Variants in CPXM2 observed in about 807,000 individuals in gnomAD.
CPXM2 encodes the protein inactive carboxypeptidase-like protein X2.
A neutral mutation model predicts 86.1 loss-of-function variants in CPXM2; 66 were observed. That is an observed-to-expected ratio of 0.77 (90% CI 0.63 to 0.94). The LOEUF (loss-of-function observed/expected upper bound fraction) is 0.94, where lower values mean the gene tolerates loss of function less well. CPXM2 is among the 40% of genes least tolerant of loss of function. CPXM2 has a pLI of 0.00. For synonymous variants in CPXM2, 388 were observed against 400.2 expected, an observed-to-expected ratio of 0.97 and a Z score of 0.36; for missense variants, 948 against 1,026.3, an observed-to-expected ratio of 0.92 and a Z score of 1.04.
chr10:123,794,386 G>A (rs1847277594), intron 6 of CPXM2, among the ~76,000 whole-genome samples: 1 of 152,186 alleles, frequency 6.6e-6, no homozygotes, highest in Non-Finnish European at 1.5e-5. Flanking sequence ...TATCTTGAAG[G>A]TCATTTGCTA....
intron 13 of CPXM2, chr10:123,752,136 C>T: frequency 1.0e-6 from 1 of 985,464 alleles, no homozygotes; most frequent in Non-Finnish European, 1.2e-6. Flanking sequence ...AAATCCTATG[C>T]AGAACCACAT....
rs577909154 is a variant in CPXM2 at position 123,923,362 on chromosome 10, C to T, written n.174+16115G>A. 4.1e-3 allele frequency among the ~76,000 whole-genome samples: 623 copies of T among 151,626 alleles called. 17 individuals carry two copies. The highest frequency in any genetic ancestry group is 7.1e-4 in the Non-Finnish European group (48 of 67,878). On this transcript the variant is annotated intron_variant and non_coding_transcript_variant, in intron 2 of 19. Transcript: ENST00000368854. ...TTGGGAGGCCGAGGCGGGCGGATCA[C>T]GAGGTCAGGAGATCGAGACCATCCT...
chr10:123,869,430 G>T (rs1428124232), intron 2 of CPXM2, among the ~76,000 whole-genome samples: 1 of 152,198 alleles, frequency 6.6e-6, no homozygotes. Context: ...ATCCTGAGAA[G>T]CATGTGGGTG....
intron 2 of CPXM2, among the ~76,000 whole-genome samples, chr10:123,906,496 T>C (rs1460066267): frequency 6.6e-6 from 1 of 152,178 alleles, no homozygotes; most frequent in Non-Finnish European, 1.5e-5. Flanking sequence ...CTATAAATCA[T>C]GTCAGCTTCA....
At chr10:123,909,570 C>A (rs78740841) in intron 2 of CPXM2, among the ~76,000 whole-genome samples, 3,057 of 152,250 alleles carry the variant, frequency 0.02, 107 homozygotes, top group African/African-American at 0.071. Flanking sequence ...TTTGCTGGGC[C>A]GTTCAAAGCC....
At chr10:123,852,231 A>T (rs562358747) in intron 3 of CPXM2, among the ~76,000 whole-genome samples, 9 of 152,128 alleles carry the variant, frequency 5.9e-5, no homozygotes, top group Non-Finnish European at 1.3e-4. Context: ...GTAATTATGC[A>T]TTCCCAGGTG....
At chr10:123,900,363 C>T (rs1684370145) in intron 2 of CPXM2, among the ~76,000 whole-genome samples, 1 of 152,138 alleles carries the variant, frequency 6.6e-6, no homozygotes, top group Non-Finnish European at 1.5e-5. Flanking sequence ...ATCCATGATA[C>T]ATAAGGAAGA....
chr10:123,921,254 T>A (rs2134278802), intron 2 of CPXM2, among the ~76,000 whole-genome samples: 1 of 151,878 alleles, frequency 6.6e-6, no homozygotes, highest in Non-Finnish European at 1.5e-5. Flanking sequence ...GTTCATGAGG[T>A]TCCAATTATC....
At chr10:123,935,581 T>C (rs2134290419) in intron 2 of CPXM2, among the ~76,000 whole-genome samples, 1 of 152,308 alleles carries the variant, frequency 6.6e-6, no homozygotes, top group Non-Finnish European at 1.5e-5. Context: ...TACCTGCTCC[T>C]CCCATAGTGG....
At chr10:123,762,885 A>G (rs1198537385) in intron 10 of CPXM2, among the ~76,000 whole-genome samples, 2 of 152,248 alleles carry the variant, frequency 1.3e-5, no homozygotes, top group South Asian at 2.1e-4. Flanking sequence ...TCATTTCACC[A>G]TGCAGTACAG....
chr10:123,752,437 A>G, intron 13 of CPXM2: 2 of 985,200 alleles, frequency 2.0e-6, no homozygotes, highest in Non-Finnish European at 2.4e-6. Flanking sequence ...TTACACAGCA[A>G]TCTACTATTT....
intron 4 of CPXM2, among the ~76,000 whole-genome samples, chr10:123,836,848 G>A (rs1164075355): frequency 1.3e-5 from 2 of 151,122 alleles, no homozygotes; most frequent in African/African-American, 4.9e-5. Context: ...TGCCCCATTA[G>A]CCACCCCCCA....
At chr10:123,751,087 G>C in intron 13 of CPXM2, 1 of 982,992 alleles carries the variant, frequency 1.0e-6, no homozygotes, top group Non-Finnish European at 1.2e-6. Context: ...AGCCTGTCCC[G>C]CAGACTCTGG....
chr10:123,788,126 C>CA (rs1248929691), intron 6 of CPXM2, among the ~76,000 whole-genome samples: 1 of 151,386 alleles, frequency 6.6e-6, no homozygotes, highest in Non-Finnish European at 1.5e-5. Context: ...ACTAAAAATA[C>CA]AAAAATTAGC....
At chr10:123,747,795 GCCTGTAATC>G (rs1845998115) in intron 13 of CPXM2, among the ~76,000 whole-genome samples, 1 of 151,940 alleles carries the variant, frequency 6.6e-6, no homozygotes, top group South Asian at 2.1e-4. Context: ...GGTGGTGGGT[GCCTGTAATC>G]CCAGCTACTC....
At chr10:123,836,044 G>C (rs1008892193) in intron 4 of CPXM2, among the ~76,000 whole-genome samples, 1 of 152,122 alleles carries the variant, frequency 6.6e-6, no homozygotes, top group Non-Finnish European at 1.5e-5. Context: ...CTTCCTTTCC[G>C]CTTCTGCTAG....
At chr10:123,834,182 G>A (rs1018101142) in intron 4 of CPXM2, among the ~76,000 whole-genome samples, 2 of 152,148 alleles carry the variant, frequency 1.3e-5, no homozygotes, top group African/African-American at 2.4e-5. Flanking sequence ...GCAAAGGAGC[G>A]GAGCTGCATC....
At chr10:123,757,456 C>A in intron 11 of CPXM2, 104 bp from the exon 12 acceptor site, 1 of 950,692 alleles carries the variant, frequency 1.1e-6, no homozygotes. Context: ...TTCGGAAGGC[C>A]TTGTTTAAAC....
intron 6 of CPXM2, among the ~76,000 whole-genome samples, chr10:123,792,732 C>T (rs545534452): frequency 6.6e-6 from 1 of 152,306 alleles, no homozygotes; most frequent in East Asian, 1.9e-4. Context: ...GCCCAGGCTG[C>T]CCCTTTGTTA....
Sources: allele counts gnomAD v4.1 joint callset (sites outside exome capture counted in the v4.1 genomes callset), GRCh38; gene constraint gnomAD v4.1.1; transcripts MANE v1.5; gene names NCBI Gene and HGNC (gene_info 2026-07-23, HGNC 2026-07-21).